The following GABRB2 variants were observed in gnomAD, a reference collection of about 807,000 sequenced individuals.
The protein encoded by GABRB2 is gamma-aminobutyric acid receptor subunit beta-2.
In GABRB2, 16 loss-of-function variants were observed where a neutral mutation model predicts 54.7. The ratio of observed to expected loss-of-function variants is 0.29; its 90% CI spans 0.20 to 0.44. The LOEUF (loss-of-function observed/expected upper bound fraction) is 0.44, where lower values mean the gene tolerates loss of function less well. GABRB2 is among the 20% of genes least tolerant of loss of function. The probability of loss-of-function intolerance (pLI) is 1.00; values close to 1 mark genes in which losing one functional copy is unlikely to be tolerated. For synonymous variants in GABRB2, 244 were observed against 233.8 expected (o/e 1.04, Z -0.40); for missense variants, 355 against 644.0 (o/e 0.55, Z 4.86).
At chr5:161,407,633 G>GA (rs1756385463) in intron 5 of GABRB2, among the ~76,000 whole-genome samples, 1 of 151,944 alleles carries the variant, frequency 6.6e-6, no homozygotes, top group Non-Finnish European at 1.5e-5. Flanking sequence ...CATTTCCCTA[G>GA]AAAAATAGGC....
intron 3 of GABRB2, among the ~76,000 whole-genome samples, chr5:161,502,340 G>T (rs943783165): frequency 2.6e-5 from 4 of 152,030 alleles, no homozygotes; most frequent in African/African-American, 9.6e-5. Context: ...ACTCATAAAA[G>T]AAATGCATTA....
intron 5 of GABRB2, among the ~76,000 whole-genome samples, chr5:161,398,909 C>A (rs1046906541): frequency 2.0e-5 from 3 of 152,028 alleles, no homozygotes; most frequent in Admixed American, 6.6e-5. Context: ...AGGATGGTAT[C>A]GATCTCTTCA....
At chr5:161,383,695 T>C (rs1755538446) in intron 5 of GABRB2, among the ~76,000 whole-genome samples, 1 of 152,200 alleles carries the variant, frequency 6.6e-6, no homozygotes, top group Non-Finnish European at 1.5e-5. Context: ...GAACAATTTA[T>C]TAGATAGTGC....
At chr5:161,390,912 A>T (rs962916997) in intron 5 of GABRB2, among the ~76,000 whole-genome samples, 17 of 152,156 alleles carry the variant, frequency 1.1e-4, no homozygotes, top group African/African-American at 4.1e-4. Flanking sequence ...ACACTTAACC[A>T]TGTGCATCTT....
At chr5:161,418,163 T>C (rs1197268249) in intron 4 of GABRB2, among the ~76,000 whole-genome samples, 2 of 152,164 alleles carry the variant, frequency 1.3e-5, no homozygotes, top group Non-Finnish European at 2.9e-5. Context: ...TAGCATCCTG[T>C]GGAATCAAAG....
chr5:161,516,567 A>G (rs1441649205), intron 3 of GABRB2, among the ~76,000 whole-genome samples: 4 of 152,230 alleles, frequency 2.6e-5, no homozygotes, highest in African/African-American at 9.6e-5. Context: ...TTGGCATTTC[A>G]TAACTTCAAG....
chr5:161,367,421 T>G (rs1755001392), intron 5 of GABRB2, among the ~76,000 whole-genome samples: 1 of 152,226 alleles, frequency 6.6e-6, no homozygotes, highest in South Asian at 2.1e-4. Context: ...ATTATTGTTG[T>G]TATTATTGTT....
chr5:161,421,413 C>T (rs979261570), intron 4 of GABRB2, among the ~76,000 whole-genome samples: 1 of 152,188 alleles, frequency 6.6e-6, no homozygotes, highest in African/African-American at 2.4e-5. Context: ...TACACACCTT[C>T]CTGGGACACG....
At chr5:161,345,366 T>C (rs552846688) in intron 5 of GABRB2, among the ~76,000 whole-genome samples, 57 of 152,192 alleles carry the variant, frequency 3.7e-4, no homozygotes, top group African/African-American at 1.3e-3. Context: ...GATTTCCCAG[T>C]TGGGGAAGTG....
chr5:161,348,879 T>C (rs1754390131), intron 5 of GABRB2, among the ~76,000 whole-genome samples: 1 of 152,120 alleles, frequency 6.6e-6, no homozygotes, highest in Non-Finnish European at 1.5e-5. Flanking sequence ...GTGGAGCTTG[T>C]ATATTTTAAA....
At chr5:161,295,792 G>GA (rs1757365753) in intron 9 of GABRB2, among the ~76,000 whole-genome samples, 1 of 152,166 alleles carries the variant, frequency 6.6e-6, no homozygotes, top group South Asian at 2.1e-4. Flanking sequence ...TCTGCCTACT[G>GA]ATCAGACATT....
At chr5:161,365,610 C>T (rs750760525) in intron 5 of GABRB2, among the ~76,000 whole-genome samples, 1 of 152,036 alleles carries the variant, frequency 6.6e-6, no homozygotes, top group Non-Finnish European at 1.5e-5. Flanking sequence ...CATTAAGTAA[C>T]CCTATTAGAA....
At chr5:161,499,030 C>A (rs953068897) in intron 3 of GABRB2, among the ~76,000 whole-genome samples, 3 of 152,138 alleles carry the variant, frequency 2.0e-5, no homozygotes, top group Non-Finnish European at 2.9e-5. Flanking sequence ...ACATCCTTAC[C>A]ACCTGCTTCT....
intron 3 of GABRB2, among the ~76,000 whole-genome samples, chr5:161,518,106 C>T (rs1214075878): frequency 6.6e-6 from 1 of 152,108 alleles, no homozygotes; most frequent in Non-Finnish European, 1.5e-5. Context: ...CTGCACCTGG[C>T]CAATTTCTGA....
intron 3 of GABRB2, among the ~76,000 whole-genome samples, chr5:161,492,649 T>C (rs1759117960): frequency 6.6e-6 from 1 of 151,556 alleles, no homozygotes; most frequent in Admixed American, 6.6e-5. Flanking sequence ...CAAAGACATA[T>C]TTGGTCATAA....
intron 3 of GABRB2, among the ~76,000 whole-genome samples, chr5:161,495,356 C>A (rs1339782898): frequency 6.6e-6 from 1 of 151,534 alleles, no homozygotes; most frequent in East Asian, 1.9e-4. Context: ...TATTCTATGG[C>A]AAAATACTAT....
At chr5:161,463,224 A>G (rs1355044911) in intron 3 of GABRB2, among the ~76,000 whole-genome samples, 1 of 150,614 alleles carries the variant, frequency 6.6e-6, no homozygotes, top group African/African-American at 2.5e-5. Context: ...GGAAATAATC[A>G]AAGTGTGAGA....
chr5:161,443,730 T>C (rs1757529883), intron 4 of GABRB2, among the ~76,000 whole-genome samples: 1 of 152,214 alleles, frequency 6.6e-6, no homozygotes, highest in Non-Finnish European at 1.5e-5. Flanking sequence ...GCCACCCATG[T>C]GGTGGACACA....
chr5:161,414,704 A>C (rs1756612756), intron 4 of GABRB2, among the ~76,000 whole-genome samples: 1 of 151,966 alleles, frequency 6.6e-6, no homozygotes, highest in Non-Finnish European at 1.5e-5. Context: ...AGTACCTGGC[A>C]CATGCTACCA....
Sources: allele counts gnomAD v4.1 joint callset (sites outside exome capture counted in the v4.1 genomes callset), GRCh38; gene constraint gnomAD v4.1.1; transcripts MANE v1.5; gene names NCBI Gene and HGNC (gene_info 2026-07-23, HGNC 2026-07-21).